Variants in ARHGAP25 observed in about 807,000 individuals in gnomAD.
ARHGAP25 encodes rho GTPase-activating protein 25.
A neutral mutation model predicts 71.0 loss-of-function variants in ARHGAP25; 34 were observed. That is an observed-to-expected ratio of 0.48 (90% CI 0.36 to 0.64). The LOEUF is 0.64. Among genes scored for constraint, ARHGAP25 ranks in the 30% least tolerant of loss-of-function variants. ARHGAP25 has a pLI of 0.00. For missense variants in ARHGAP25, 706 were observed against 805.1 expected, an observed-to-expected ratio of 0.88 and a Z score of 1.49; for synonymous variants, 282 against 296.5, an observed-to-expected ratio of 0.95 and a Z score of 0.50.
At chr2:68,745,868 G>T (rs963986871) in intron 1 of ARHGAP25, among the ~76,000 whole-genome samples, 1 of 152,180 alleles carries the variant, frequency 6.6e-6, no homozygotes, top group Non-Finnish European at 1.5e-5. Flanking sequence ...TGACTTGGTG[G>T]TCTCACACGG....
chr2:68,800,459 G>T (rs1679884523), intron 4 of ARHGAP25, among the ~76,000 whole-genome samples: 1 of 152,094 alleles, frequency 6.6e-6, no homozygotes, highest in African/African-American at 2.4e-5. Context: ...TGGTAGTGAG[G>T]CCTCACCCTT....
intron 1 of ARHGAP25, among the ~76,000 whole-genome samples, chr2:68,755,503 G>A (rs534656166): frequency 6.6e-5 from 10 of 152,090 alleles, no homozygotes; most frequent in South Asian, 2.1e-4. Flanking sequence ...AAAACTCACC[G>A]CCCGCCAATC....
intron 10 of ARHGAP25, 101 bp downstream of exon 10, chr2:68,822,973 A>G (rs955355786): frequency 2.9e-5 from 37 of 1,274,312 alleles, no homozygotes; most frequent in Non-Finnish European, 3.6e-5. Flanking sequence ...TAAAGCTTCA[A>G]TTTGGGGAAG....
chr2:68,813,143 A>G, intron 5 of ARHGAP25, 144 bp from the exon 6 acceptor site: 1 of 847,946 alleles, frequency 1.2e-6, no homozygotes, highest in South Asian at 2.5e-5. Flanking sequence ...TTTTGGTCTG[A>G]TTCTTCTTTA....
chr2:68,729,268 A>AGCT (rs1674952976), intron 2 of ARHGAP25, among the ~76,000 whole-genome samples: 1 of 152,348 alleles, frequency 6.6e-6, no homozygotes, highest in African/African-American at 2.4e-5. Flanking sequence ...GTATCAATAC[A>AGCT]GCTCATAAAA....
intron 6 of ARHGAP25, among the ~76,000 whole-genome samples, chr2:68,815,304 AGCTGATGCTAC>A (rs1681116455): frequency 6.6e-6 from 1 of 152,200 alleles, no homozygotes; most frequent in Non-Finnish European, 1.5e-5. Context: ...CTCAGCATGA[AGCTGATGCTAC>A]GCTAAGAAGG....
chr2:68,786,295 C>T (rs535613103), intron 3 of ARHGAP25, among the ~76,000 whole-genome samples: 19 of 152,160 alleles, frequency 1.2e-4, no homozygotes, highest in African/African-American at 2.4e-4. Flanking sequence ...ATGGTGGAGA[C>T]GGAGCGGGGA....
At chr2:68,771,822 G>A (rs538324018) in intron 1 of ARHGAP25, among the ~76,000 whole-genome samples, 166 of 152,304 alleles carry the variant, frequency 1.1e-3, no homozygotes, top group Non-Finnish European at 1.7e-3. Flanking sequence ...ATGTTAACAG[G>A]CACTAAAGAA....
intron 5 of ARHGAP25, among the ~76,000 whole-genome samples, chr2:68,810,368 T>C (rs1680697645): frequency 6.6e-6 from 1 of 152,184 alleles, no homozygotes; most frequent in Non-Finnish European, 1.5e-5. Context: ...GCTTTTCACA[T>C]GGTCTTGTGT....
chr2:68,787,962 G>A lies in ARHGAP25; in HGVS notation c.466+6G>A, dbSNP rs778070931. The A allele has an allele frequency of 3.5e-5, 57 of 1,610,582 alleles. No homozygotes were observed. The highest frequency in any genetic ancestry group is 4.2e-5 in the Non-Finnish European group (50 of 1,176,926). On this transcript the variant is annotated splice_donor_region_variant and intron_variant, in intron 4 of 10. Transcript: ENST00000409202. ...TGCTGGCACACCCTGTGGAGGTAAG[G>A]ACCCCTGCAGGCTTTCCTGGGCAGG...
intron 2 of ARHGAP25, among the ~76,000 whole-genome samples, chr2:68,780,608 T>C (rs1678259756): frequency 6.6e-6 from 1 of 151,682 alleles, no homozygotes; most frequent in South Asian, 2.1e-4. Context: ...CCTTCCCCCT[T>C]CTCCCCTTCC....
In ARHGAP25 at chr2:68,779,013, A is replaced by G. The variant is rs576254283; in HGVS notation, c.262-3220A>G. ...TTGTTTGTCAGGGAAATTGTTTCAA[A>G]CAGAATCTCAGCTTATCGCCCTCAA... On this transcript the variant is annotated intron_variant, in intron 2 of 10. Transcript: ENST00000409202. 6.6e-5 allele frequency among the ~76,000 whole-genome samples: 10 copies of G among 152,330 alleles called. No individual in the cohort carries two copies. In the East Asian group the frequency reaches 7.7e-4, roughly 12 times the overall value.
chr2:68,730,148 T>A (rs941711514), upstream of ARHGAP25, among the ~76,000 whole-genome samples: 17 of 152,180 alleles, frequency 1.1e-4, no homozygotes, highest in Non-Finnish European at 1.8e-4. Context: ...ATTTAAAAAA[T>A]TTACAATACA....
chr2:68,813,350 CGT>C lies in ARHGAP25; in HGVS notation c.740_741del (p.Val247GlyfsTer20). ...KLYLRDLPEP[V>X]VPWSQYEGFL... Reference sequence around the variant, plus strand: ...TCTACCTCCGAGACCTCCCAGAGCCCGTGGTTCCCTGGAGCCAGTACGAAGGG... The same window carrying C: ...TCTACCTCCGAGACCTCCCAGAGCCCGGTTCCCTGGAGCCAGTACGAAGGG... On this transcript the variant is annotated frameshift_variant, in exon 6 of 11. Coordinates refer to ENST00000409202, the MANE Select transcript of ARHGAP25 (RefSeq NM_001007231.3). LOFTEE classifies it high-confidence loss of function. The C allele has an allele frequency of 6.2e-7, 1 of 1,613,778 alleles. No homozygotes were observed. Among genetic ancestry groups the C allele is most frequent in the South Asian group, 1.1e-5 (1 of 91,044 alleles).
At chr2:68,732,891 T>C (rs1358154759), upstream of ARHGAP25, among the ~76,000 whole-genome samples, 1 of 152,252 alleles carries the variant, frequency 6.6e-6, no homozygotes, top group Non-Finnish European at 1.5e-5. Flanking sequence ...TCTCTGGATA[T>C]ACAGTTTGGA....
intron 2 of ARHGAP25, among the ~76,000 whole-genome samples, chr2:68,719,755 C>G (rs1203361417): frequency 1.3e-5 from 2 of 151,986 alleles, no homozygotes; most frequent in South Asian, 2.1e-4. Flanking sequence ...ATAAGAATAC[C>G]CCACAGTAGA....
intron 1 of ARHGAP25, 128 bp from the exon 2 acceptor site, chr2:68,775,093 C>G (rs1677779916): frequency 2.5e-6 from 4 of 1,575,486 alleles, no homozygotes; most frequent in Non-Finnish European, 3.4e-6. Context: ...ATCCGGACCC[C>G]TGAACTGGAC....
chr2:68,772,984 AAT>A (rs1439847809), intron 1 of ARHGAP25, among the ~76,000 whole-genome samples: 7 of 152,218 alleles, frequency 4.6e-5, no homozygotes, highest in Admixed American at 2.6e-4. Flanking sequence ...AGCTGAATCA[AAT>A]ATGTCTTGCA....
At chr2:68,750,620 C>T (rs1422807115) in intron 1 of ARHGAP25, among the ~76,000 whole-genome samples, 3 of 152,166 alleles carry the variant, frequency 2.0e-5, no homozygotes, top group African/African-American at 4.8e-5. Flanking sequence ...CGCACCGGGC[C>T]GAGCACTTTT....
Sources: gnomAD v4.1 joint callset for allele counts (sites outside exome capture counted in the v4.1 genomes callset) on GRCh38, gnomAD v4.1.1 for gene constraint, MANE v1.5 for transcripts, NCBI Gene and HGNC (gene_info 2026-07-23, HGNC 2026-07-21) for gene names.